Variants in BRIP1 observed in about 807,000 individuals in gnomAD.
BRIP1 encodes the protein BRCA1 interacting DNA helicase 1.
BRIP1 carries 88 observed loss-of-function variants against 119.7 expected under a neutral mutation model. The ratio of observed to expected loss-of-function variants is 0.74; its 90% CI spans 0.62 to 0.88. The LOEUF (loss-of-function observed/expected upper bound fraction) is 0.88. BRIP1 is among the 40% of genes least tolerant of loss of function. The pLI is 0.00. For synonymous variants in BRIP1, 443 were observed against 496.5 expected (o/e 0.89, Z 1.43); for missense variants, 1,259 against 1,455.4 (o/e 0.87, Z 2.20).
In BRIP1 at chr17:61,702,422, T is replaced by C. The variant is rs561818216; in HGVS notation, c.2493-8910A>G. Reference sequence around the variant, plus strand: ...TATCCAACAGGTAGTTTTCCTTGAATGGTAGCTCAACTCTTAGTTCAAACA... The same window carrying C: ...TATCCAACAGGTAGTTTTCCTTGAACGGTAGCTCAACTCTTAGTTCAAACA... On this transcript the variant is annotated intron_variant, in intron 17 of 19. Coordinates refer to ENST00000259008, the MANE Select transcript of BRIP1 (RefSeq NM_032043.3). Among the ~76,000 whole-genome samples, 4 of 152,320 alleles carry C rather than the reference T, an allele frequency of 2.6e-5. No homozygotes were observed. The East Asian group carries it at 5.8e-4, about 22-fold the overall frequency.
At chr17:61,859,679 C>T (rs963781395) in intron 3 of BRIP1, 117 bp downstream of exon 3, 2 of 724,466 alleles carry the variant, frequency 2.8e-6, no homozygotes, top group Non-Finnish European at 4.9e-6. Context: ...AAAGAAACAT[C>T]TTTAAACAAA....
rs587780234 is a variant in BRIP1 at position 61,744,473 on chromosome 17, A to G, written c.2216T>C (p.Leu739Pro). Residue 739 changes from leucine to proline, a missense_variant, in exon 15 of 20, where the codon CTG becomes CCG. By Grantham distance (98) the Leu-to-Pro change is moderately conservative. This residue lies in a region of BRIP1 where 753 missense variants were observed against 891.8 expected (regional missense o/e 0.84). Coordinates refer to ENST00000259008, the MANE Select transcript of BRIP1 (RefSeq NM_032043.3). This position sits in a 1 kb window ranked among gnomAD's most constrained non-coding sequence, Gnocchi z 5.0. ...GGEKTNFDELLQVYYDAIKYK... is the reference protein window; with the variant it reads ...GGEKTNFDELPQVYYDAIKYK... ...TTTGATTGCGTCATAGTACACCTGC[A>G]GTAATTCATCAAAATTTGTTTTTTC... The G allele has an allele frequency of 6.2e-7, 1 of 1,613,988 alleles. No homozygotes were observed. The highest frequency in any genetic ancestry group is 1.7e-5 in the Admixed American group (1 of 60,020).
At chr17:61,847,678 C>T (rs192900415) in intron 5 of BRIP1, among the ~76,000 whole-genome samples, 2 of 152,282 alleles carry the variant, frequency 1.3e-5, no homozygotes, top group Non-Finnish European at 1.5e-5. Context: ...TACTCGATTA[C>T]TATTATCACT....
Position 61,822,503 on chromosome 17 carries a change from A to G in BRIP1, c.628-13746T>C, listed in dbSNP as rs1237516002. 6.6e-6 allele frequency among the ~76,000 whole-genome samples: 1 copy of G among 152,234 alleles called. No individual in the cohort carries two copies. Among genetic ancestry groups the G allele is most frequent in the Non-Finnish European group, 1.5e-5 (1 of 68,046 alleles). ...CGCCAAGGAAGAAAGGGAACTGGAC[A>G]GACTATCCAGTAAGGCCAGTCAAAT... On this transcript the variant is annotated intron_variant, in intron 6 of 19. Coordinates refer to ENST00000259008, the MANE Select transcript of BRIP1 (RefSeq NM_032043.3). This position sits in a 1 kb window ranked among gnomAD's most constrained non-coding sequence, Gnocchi z 4.4.
chr17:61,822,235 T>C lies in BRIP1; in HGVS notation c.628-13478A>G, dbSNP rs1007749292. ...TAGACTGATAATGGGATTCTCATCA[T>C]TTTTTTCTGTAAAATCTTTGATGTT... is the stretch of plus-strand genomic sequence containing the variant. On this transcript the variant is annotated intron_variant, in intron 6 of 19. Coordinates refer to ENST00000259008, the MANE Select transcript of BRIP1 (RefSeq NM_032043.3). This position sits in a 1 kb window ranked among gnomAD's most constrained non-coding sequence, Gnocchi z 4.4. Among the ~76,000 whole-genome samples, 4 of 152,162 alleles carry C rather than the reference T, an allele frequency of 2.6e-5. No homozygotes were observed. Among genetic ancestry groups the C allele is most frequent in the African/African-American group, 9.7e-5 (4 of 41,438 alleles).
chr17:61,808,752 A>G lies in BRIP1; in HGVS notation c.633T>C (p.Pro211=), dbSNP rs1603347066. ...KINSFSPQKP[P]GHCSRCCCST... is the part of the protein sequence containing the mutation. Reference sequence around the variant, plus strand: ...AACAACAGCACCTAGAACAGTGGCCAGGGGGCTGTAAGAAAGGAAAGAAAC... The same window carrying G: ...AACAACAGCACCTAGAACAGTGGCCGGGGGGCTGTAAGAAAGGAAAGAAAC... Residue 211 remains proline (P), a synonymous_variant, in exon 7 of 20, where the codon CCT becomes CCC. Transcript: ENST00000259008. The surrounding 1 kb of genome is among the most constrained non-coding windows in gnomAD (Gnocchi z 4.1). The G allele has an allele frequency of 6.2e-7, 1 of 1,612,626 alleles. No homozygotes were observed. The highest frequency in any genetic ancestry group is 8.5e-7 in the Non-Finnish European group (1 of 1,179,850).
In BRIP1 at chr17:61,713,724, G is replaced by A. The variant is rs188590389; in HGVS notation, c.2492+2227C>T. On this transcript the variant is annotated intron_variant, in intron 17 of 19. Coordinates refer to ENST00000259008, the MANE Select transcript of BRIP1 (RefSeq NM_032043.3). This position sits in a 1 kb window ranked among gnomAD's most constrained non-coding sequence, Gnocchi z 4.9. Reference sequence around the variant, plus strand: ...TTTAGTAGAGATGGGGTTTCACCACGTTGGCCAGGTTGCTATCGAACTCCT... The same window carrying A: ...TTTAGTAGAGATGGGGTTTCACCACATTGGCCAGGTTGCTATCGAACTCCT... Among the ~76,000 whole-genome samples, 738 of 152,018 alleles carry A rather than the reference G, an allele frequency of 4.9e-3. 6 individuals are homozygous for A. The highest frequency in any genetic ancestry group is 0.017 in the African/African-American group (694 of 41,476).
rs1460109148 is a variant in BRIP1, at chr17:61,679,696, T to C, written c.*3600A>G. 1.3e-5 allele frequency among the ~76,000 whole-genome samples: 2 copies of C among 152,210 alleles called. No homozygotes were observed. The highest frequency in any genetic ancestry group is 3.8e-4 in the East Asian group (2 of 5,202). ...ATAGAGCAAGGGTGCACTCCAGATATATGATTCATCTACTAATTAATAATG... is the reference window on the plus strand; with the variant it reads ...ATAGAGCAAGGGTGCACTCCAGATACATGATTCATCTACTAATTAATAATG... On this transcript the variant is annotated 3_prime_UTR_variant, in exon 20 of 20. Coordinates refer to ENST00000259008, the MANE Select transcript of BRIP1 (RefSeq NM_032043.3). This position sits in a 1 kb window ranked among gnomAD's most constrained non-coding sequence, Gnocchi z 4.4.
intron 16 of BRIP1, among the ~76,000 whole-genome samples, 194 bp from the exon 17 acceptor site, chr17:61,716,257 A>G (rs895420177): frequency 2.6e-5 from 4 of 152,088 alleles, no homozygotes; most frequent in East Asian, 1.9e-4. Flanking sequence ...CCTAATGCAT[A>G]TAACTAATCA....
chr17:61,799,103 A>G lies in BRIP1; in HGVS notation c.1337T>C (p.Ile446Thr), dbSNP rs1555607024. Residue 446 changes from isoleucine (I) to threonine (T), a missense_variant, in exon 9 of 20, where the codon ATT becomes ACT. Ile to Thr is a moderately conservative substitution (Grantham distance 89). This residue lies in a region of BRIP1 where 501 missense variants were observed against 544.0 expected (regional missense o/e 0.92). Transcript: ENST00000259008. This position sits in a 1 kb window ranked among gnomAD's most constrained non-coding sequence, Gnocchi z 5.1. ...EPLRAVCCSL[I>T]NWLEANAEYL... ...ACTAATAGACAAATCTTCTTACTTA[A>G]TGAGGCTACAGCACACAGCTCGTAG... The G allele has an allele frequency of 7.4e-6, 12 of 1,611,408 alleles. No homozygotes were observed. Among genetic ancestry groups the G allele is most frequent in the Non-Finnish European group, 9.3e-6 (11 of 1,177,638 alleles).
rs2077237704 is a variant in BRIP1, at chr17:61,759,005, C to CATTCATAAATAAATAA, written c.2098-14415_2098-14414insTTATTTATTTATGAAT. Among the ~76,000 whole-genome samples, 2 of 136,996 alleles carry CATTCATAAATAAATAA rather than the reference C, an allele frequency of 1.5e-5. No individual in the cohort carries two copies. Among genetic ancestry groups the CATTCATAAATAAATAA allele is most frequent in the Non-Finnish European group, 3.1e-5 (2 of 64,220 alleles). 89.9% of individuals were successfully genotyped at this position (136,996 alleles called of 152,430 possible). ...CCTGGGTGACAGAGCAAGACCCTGTCATAAATAAATAAATAAATAAATAAA... is the reference window on the plus strand; with the variant it reads ...CCTGGGTGACAGAGCAAGACCCTGTCATTCATAAATAAATAAATAAATAAATAAATAAATAAATAAA... On this transcript the variant is annotated intron_variant, in intron 14 of 19. Coordinates refer to ENST00000259008, the MANE Select transcript of BRIP1 (RefSeq NM_032043.3). This position sits in a 1 kb window ranked among gnomAD's most constrained non-coding sequence, Gnocchi z 4.9.
chr17:61,800,636 T>C (rs995537598), intron 8 of BRIP1, among the ~76,000 whole-genome samples: 4 of 152,270 alleles, frequency 2.6e-5, no homozygotes, highest in South Asian at 2.1e-4. Context: ...GGCATTGATA[T>C]GCACAGTGTC....
In BRIP1 at chr17:61,860,896, T is replaced by G. The variant is rs370051902; in HGVS notation, c.93+551A>C. Reference sequence around the variant, plus strand: ...AAAGTAAGGTACCGTATCACATCAATGCACAGTTTCAAATATGTAAAATAA... The same window carrying G: ...AAAGTAAGGTACCGTATCACATCAAGGCACAGTTTCAAATATGTAAAATAA... On this transcript the variant is annotated intron_variant, in intron 2 of 19. Coordinates refer to ENST00000259008, the MANE Select transcript of BRIP1 (RefSeq NM_032043.3). The surrounding 1 kb of genome is among the most constrained non-coding windows in gnomAD (Gnocchi z 4.1). Among the ~76,000 whole-genome samples, 1 of 152,292 alleles carries G rather than the reference T, an allele frequency of 6.6e-6. No homozygotes were observed. The highest frequency in any genetic ancestry group is 1.9e-4 in the East Asian group (1 of 5,182).
Position 61,848,520 on chromosome 17 carries a change from A to G in BRIP1, c.507+609T>C, listed in dbSNP as rs564918533. ...AGCCACTGTATTCAGCCTAATAATT[A>G]TCTTTTTTATTTGTAACTAAATCTA... On this transcript the variant is annotated intron_variant, in intron 5 of 19. Transcript: ENST00000259008. This position sits in a 1 kb window ranked among gnomAD's most constrained non-coding sequence, Gnocchi z 4.3. 1.6e-4 allele frequency among the ~76,000 whole-genome samples: 24 copies of G among 152,220 alleles called. No homozygotes were observed. In the South Asian group the frequency reaches 3.9e-3, roughly 25 times the overall value.
chr17:61,807,702 G>A lies in BRIP1; in HGVS notation c.918+765C>T, dbSNP rs1049471461. On this transcript the variant is annotated intron_variant, in intron 7 of 19. Coordinates refer to ENST00000259008, the MANE Select transcript of BRIP1 (RefSeq NM_032043.3). The surrounding 1 kb of genome is among the most constrained non-coding windows in gnomAD (Gnocchi z 4.5). ...CTAAAAATATATTAAAATATCATTG[G>A]TCACTTCATAGTAATCAATTTATGG... 3.9e-5 allele frequency among the ~76,000 whole-genome samples: 6 copies of A among 152,022 alleles called. No individual in the cohort carries two copies. Among genetic ancestry groups the A allele is most frequent in the African/African-American group, 1.2e-4 (5 of 41,392 alleles).
chr17:61,710,153 G>T lies in BRIP1; in HGVS notation c.2492+5798C>A, dbSNP rs1027654487. Among the ~76,000 whole-genome samples the T allele has an allele frequency of 6.6e-6, 1 of 151,612 alleles. No homozygotes were observed. Among genetic ancestry groups the T allele is most frequent in the Non-Finnish European group, 1.5e-5 (1 of 67,940 alleles). ...TGAAAATCAGTAAAATGATAGCTGG[G>T]CTCTCCATTTAAAAAAATTAATAAA... is the stretch of plus-strand genomic sequence containing the variant. On this transcript the variant is annotated intron_variant, in intron 17 of 19. Coordinates refer to ENST00000259008, the MANE Select transcript of BRIP1 (RefSeq NM_032043.3). The surrounding 1 kb of genome is among the most constrained non-coding windows in gnomAD (Gnocchi z 5.4).
At chr17:61,685,550 AT>A (rs921492413) in intron 19 of BRIP1, 2,268 of 431,436 alleles carry the variant, frequency 5.3e-3, no homozygotes, top group South Asian at 7.9e-3. Flanking sequence ...CTAGGCAGGC[AT>A]TTTTTTTTTC....
chr17:61,710,544 A>G lies in BRIP1; in HGVS notation c.2492+5407T>C, dbSNP rs972171611. On this transcript the variant is annotated intron_variant, in intron 17 of 19. Coordinates refer to ENST00000259008, the MANE Select transcript of BRIP1 (RefSeq NM_032043.3). This position sits in a 1 kb window ranked among gnomAD's most constrained non-coding sequence, Gnocchi z 5.4. ...ACTTTCAATGAGGTTTTGATTGCTA[A>G]ATTTGCCAAACGAATTGTATGATAA... Among the ~76,000 whole-genome samples, 3 of 152,222 alleles carry G rather than the reference A, an allele frequency of 2.0e-5. No homozygotes were observed. Among genetic ancestry groups the G allele is most frequent in the African/African-American group, 4.8e-5 (2 of 41,466 alleles).
chr17:61,720,196 T>C lies in BRIP1; in HGVS notation c.2380-4133A>G, dbSNP rs2061951077. ...AGAAGGAATAAGTTCTAATCTTTTA[T>C]ACCACAGTAGGATGACTATAGTTAA... On this transcript the variant is annotated intron_variant, in intron 16 of 19. Transcript: ENST00000259008. This position sits in a 1 kb window ranked among gnomAD's most constrained non-coding sequence, Gnocchi z 4.3. Among the ~76,000 whole-genome samples the C allele has an allele frequency of 6.6e-6, 1 of 152,176 alleles. No individual in the cohort carries two copies. Among genetic ancestry groups the C allele is most frequent in the Admixed American group, 6.5e-5 (1 of 15,280 alleles).
Sources: gnomAD v4.1 joint callset for allele counts (sites outside exome capture counted in the v4.1 genomes callset) on GRCh38, gnomAD v4.1.1 for gene constraint, gnomAD v4.1.1 regional missense constraint, Gnocchi (gnomAD v3.1) non-coding constraint, MANE v1.5 for transcripts, NCBI Gene and HGNC (gene_info 2026-07-23, HGNC 2026-07-21) for gene names.